GAD2: variants seen among roughly 807,000 people sequenced by gnomAD.
GAD2 encodes the protein 65 kDa glutamic acid decarboxylase.
In GAD2, 22 loss-of-function variants were observed where a neutral mutation model predicts 80.1. The observed-to-expected ratio is 0.27, with a 90% confidence interval of 0.20 to 0.39. The LOEUF (loss-of-function observed/expected upper bound fraction) is 0.39, where lower values mean the gene tolerates loss of function less well. Among genes scored for constraint, GAD2 ranks in the 10% least tolerant of loss-of-function variants. The pLI, the probability that GAD2 is intolerant of heterozygous loss-of-function variation, is 1.00. For missense variants in GAD2, 624 were observed against 738.4 expected (o/e 0.85, Z 1.80); for synonymous variants, 274 against 256.9 (o/e 1.07, Z -0.64).
intron 6 of GAD2, among the ~76,000 whole-genome samples, chr10:26,226,717 T>TCGAC (rs1844531769): frequency 6.6e-6 from 1 of 152,202 alleles, no homozygotes; most frequent in Non-Finnish European, 1.5e-5. Context: ...AAGAGTTAGG[T>TCGAC]CTGTGACTTA....
intron 8 of GAD2, among the ~76,000 whole-genome samples, chr10:26,260,009 G>A (rs1844990485): frequency 6.6e-6 from 1 of 152,086 alleles, no homozygotes. Context: ...ATCTGTCATA[G>A]TATTTGATGG....
At position 26,250,028 on chromosome 10, in the gene GAD2, AT is replaced by A. The variant is rs879286993; in HGVS notation, c.920+4041del. Reference sequence around the variant, plus strand: ...AAAGTCAAAGATATTTATTTCAACAATTTTTTTTTTTTTAAGACATGAGGTC... The same window carrying A: ...AAAGTCAAAGATATTTATTTCAACAATTTTTTTTTTTTAAGACATGAGGTC... On this transcript the variant is annotated intron_variant, in intron 8 of 15. Coordinates refer to ENST00000376261, the MANE Select transcript of GAD2 (RefSeq NM_001134366.2). Among the ~76,000 whole-genome samples the A allele has an allele frequency of 1.6e-3, 232 of 146,758 alleles. 2 individuals carry two copies. The highest frequency in any genetic ancestry group is 5.2e-3 in the South Asian group (24 of 4,634).
chr10:26,298,033 A>G (rs777366799), intron 15 of GAD2, among the ~76,000 whole-genome samples: 5 of 152,248 alleles, frequency 3.3e-5, no homozygotes, highest in Admixed American at 1.3e-4. Flanking sequence ...CACCGCATCT[A>G]TAAGCTGCTA....
intron 8 of GAD2, among the ~76,000 whole-genome samples, chr10:26,262,682 C>G (rs1845022992): frequency 1.3e-5 from 2 of 152,010 alleles, no homozygotes; most frequent in South Asian, 2.1e-4. Context: ...ATACATTTTC[C>G]TCTGAGAATG....
intron 12 of GAD2, 59 bp downstream of exon 12, chr10:26,281,146 G>C: frequency 8.1e-7 from 1 of 1,232,918 alleles, no homozygotes; most frequent in East Asian, 2.3e-5. Flanking sequence ...GTCTTTATGC[G>C]GTTGACTTTC....
At chr10:26,254,061 G>A (rs565771744) in intron 8 of GAD2, among the ~76,000 whole-genome samples, 36 of 152,002 alleles carry the variant, frequency 2.4e-4, no homozygotes, top group South Asian at 1.7e-3. Context: ...TTTTTGAGAC[G>A]GAGTCTCACT....
intron 8 of GAD2, among the ~76,000 whole-genome samples, chr10:26,265,205 CTTTTT>C (rs66464746): frequency 7.3e-6 from 1 of 137,052 alleles, no homozygotes; most frequent in Non-Finnish European, 1.6e-5. Flanking sequence ...CATCATACGA[CTTTTT>C]TTTTTTTTTT....
At position 26,229,750 on chromosome 10, in the gene GAD2, C is replaced by T. The variant is rs570562384; in HGVS notation, c.813C>T (p.Pro271=). 2.9e-5 allele frequency: 46 copies of T among 1,613,786 alleles called. No individual in the cohort carries two copies. In the African/African-American group the frequency reaches 4.3e-4, roughly 15 times the overall value. The change falls in exon 7 of 16, where the codon CCC becomes CCT. Residue 271 remains proline (P), a synonymous_variant. Coordinates refer to ENST00000376261, the MANE Select transcript of GAD2 (RefSeq NM_001134366.2). ...AGGAGAAAGGAATGGCTGCTCTTCC[C>T]AGGCTCATTGCCTTCACGTCTGAAC... The part of the protein sequence containing the change: ...EVKEKGMAAL[P]RLIAFTSEHS...
At chr10:26,271,846 G>A (rs113987038) in intron 10 of GAD2, among the ~76,000 whole-genome samples, 2,269 of 152,052 alleles carry the variant, frequency 0.015, 64 homozygotes, top group African/African-American at 0.05. Context: ...CGCAACCTCC[G>A]CCTCCAGGGT....
chr10:26,248,513 G>A (rs1844837935), intron 8 of GAD2, among the ~76,000 whole-genome samples: 1 of 152,210 alleles, frequency 6.6e-6, no homozygotes, highest in African/African-American at 2.4e-5. Context: ...GCCCAAGGAT[G>A]TATGTTAAGA....
intron 4 of GAD2, among the ~76,000 whole-genome samples, 188 bp from the exon 5 acceptor site, chr10:26,223,699 G>GTA (rs1844482344): frequency 6.7e-6 from 1 of 150,324 alleles, no homozygotes; most frequent in African/African-American, 2.5e-5. Context: ...GTGTGTGTGT[G>GTA]TGTATGTGCA....
At chr10:26,241,442 T>C (rs1844740508) in intron 7 of GAD2, among the ~76,000 whole-genome samples, 1 of 152,138 alleles carries the variant, frequency 6.6e-6, no homozygotes, top group Admixed American at 6.6e-5. Flanking sequence ...TGCTGTCCTC[T>C]CCAGCATGAT....
At chr10:26,253,843 G>C (rs1008854167) in intron 8 of GAD2, among the ~76,000 whole-genome samples, 2 of 152,118 alleles carry the variant, frequency 1.3e-5, no homozygotes, top group African/African-American at 4.8e-5. Flanking sequence ...AAATGTCCCA[G>C]GCAGACGCCA....
chr10:26,270,858 T>A (rs779676448), intron 10 of GAD2, 102 bp downstream of exon 10: 3 of 825,294 alleles, frequency 3.6e-6, no homozygotes, highest in Middle Eastern at 2.3e-4. Context: ...TTGGTCAGCT[T>A]ATTTTCAGAG....
intron 4 of GAD2, 140 bp from the exon 5 acceptor site, chr10:26,223,747 G>A (rs1418177857): frequency 5.2e-6 from 3 of 572,646 alleles, no homozygotes; most frequent in Non-Finnish European, 9.5e-6. Flanking sequence ...ATACACACGT[G>A]TGTACATGTT....
intron 13 of GAD2, 103 bp from the exon 14 acceptor site, chr10:26,292,362 A>G (rs2132320001): frequency 2.5e-6 from 2 of 809,700 alleles, no homozygotes; most frequent in Non-Finnish European, 4.1e-6. Context: ...AAAGTGCCAG[A>G]CGGGGCTAAG....
In GAD2 at chr10:26,286,565, G is replaced by T. The variant is rs1024992190; in HGVS notation, c.1386+71G>T. ...TTATCTGGTGACCCCATTATGAAATGTCAAAAAAGTGATTTCCAAATTGAA... is the reference window on the plus strand; with the variant it reads ...TTATCTGGTGACCCCATTATGAAATTTCAAAAAAGTGATTTCCAAATTGAA... On this transcript the variant is annotated intron_variant, in intron 13 of 15. Transcript: ENST00000376261. 5.0e-5 allele frequency: 70 copies of T among 1,398,656 alleles called. 1 individual carries two copies. The African/African-American group carries it at 1.0e-3, about 20-fold the overall frequency. 86.6% of individuals were successfully genotyped at this position (1,398,656 alleles called of 1,614,324 possible). A position where few individuals can be genotyped will look rare whatever the true frequency, so the allele number is the denominator to read the frequency against.
At chr10:26,274,200 A>C (rs957051154) in intron 11 of GAD2, among the ~76,000 whole-genome samples, 1 of 152,264 alleles carries the variant, frequency 6.6e-6, no homozygotes, top group Non-Finnish European at 1.5e-5. Context: ...AAAGTGAAAC[A>C]TACTAGCAAT....
In GAD2 at chr10:26,217,861, C is replaced by G. The variant is rs377613326; in HGVS notation, c.156C>G (p.Ala52=). 10 of 1,606,370 alleles carry G rather than the reference C, an allele frequency of 6.2e-6. No homozygotes were observed. Among genetic ancestry groups the G allele is most frequent in the African/African-American group, 5.4e-5 (4 of 74,734 alleles). The part of the protein sequence containing the change: ...NKLCALLYGD[A]EKPAESGGSQ... ...ACCCAGCCCTGCTCTACGGAGACGC[C>G]GAGAAGCCGGCGGAGAGCGGCGGGA... Residue 52 remains alanine, a synonymous_variant, in exon 3 of 16, where the codon GCC becomes GCG. Transcript: ENST00000376261. This position sits in a 1 kb window ranked among gnomAD's most constrained non-coding sequence, Gnocchi z 4.9.
Sources: gnomAD v4.1 joint callset for allele counts (sites outside exome capture counted in the v4.1 genomes callset) on GRCh38, gnomAD v4.1.1 for gene constraint, Gnocchi (gnomAD v3.1) non-coding constraint, MANE v1.5 for transcripts, NCBI Gene and HGNC (gene_info 2026-07-23, HGNC 2026-07-21) for gene names.